Variants in DNAJB6 observed in about 807,000 individuals in gnomAD.
DNAJB6 encodes DnaJ heat shock protein family (Hsp40) member B6.
Under a neutral mutation model 42.7 loss-of-function variants are expected in DNAJB6, and 16 were observed. That is an observed-to-expected ratio of 0.37 (90% CI 0.25 to 0.57). The LOEUF (loss-of-function observed/expected upper bound fraction) is 0.57, where lower values mean the gene tolerates loss of function less well. Ranked by LOEUF, DNAJB6 falls within the 20% of genes least tolerant of loss-of-function variation. The probability of loss-of-function intolerance (pLI) is 0.74; values close to 1 mark genes in which losing one functional copy is unlikely to be tolerated. For missense variants in DNAJB6, 347 were observed against 416.8 expected, an observed-to-expected ratio of 0.83 and a Z score of 1.46; for synonymous variants, 170 against 163.5, an observed-to-expected ratio of 1.04 and a Z score of -0.30.
chr7:157,413,445 C>T (rs1796029625), intron 9 of DNAJB6: 1 of 152,156 alleles, frequency 6.6e-6, no homozygotes, highest in Non-Finnish European at 1.5e-5. Context: ...TTCAACAGCT[C>T]GAAGTTTGTC....
At chr7:157,414,614 G>T (rs900597167) in intron 9 of DNAJB6, 1 of 152,210 alleles carries the variant, frequency 6.6e-6, no homozygotes, top group Non-Finnish European at 1.5e-5. Context: ...CGCGCATCTC[G>T]TGCTGCTCCT....
chr7:157,392,870 C>T (rs555641499), intron 8 of DNAJB6, among the ~76,000 whole-genome samples: 1 of 152,116 alleles, frequency 6.6e-6, no homozygotes, highest in Non-Finnish European at 1.5e-5. Flanking sequence ...CTGGGAATGC[C>T]GTCTGTGTGT....
intron 5 of DNAJB6, chr7:157,372,239 G>A (rs1800246567): frequency 6.5e-6 from 1 of 152,974 alleles, no homozygotes; most frequent in Non-Finnish European, 1.5e-5. Flanking sequence ...CAGCCCTGGT[G>A]AAGAGAACAG....
rs924784724 is a variant in DNAJB6, at chr7:157,382,528, T to A, written c.478+151T>A. On this transcript the variant is annotated intron_variant, in intron 6 of 9. Transcript: ENST00000262177. ...TTGCCAGCTTTTTTTGGTATACAGGTCTGCGCTTAACCTACATTTTCTCCT... is the reference window on the plus strand; with the variant it reads ...TTGCCAGCTTTTTTTGGTATACAGGACTGCGCTTAACCTACATTTTCTCCT... 2.9e-5 allele frequency: 19 copies of A among 657,346 alleles called. No homozygotes were observed. In the Admixed American group the frequency reaches 6.8e-4, roughly 24 times the overall value. The allele number at this position is 657,346 out of a possible 1,614,324, so 40.7% of individuals were successfully genotyped here. A position where few individuals can be genotyped will look rare whatever the true frequency, so the allele number is the denominator to read the frequency against.
At chr7:157,377,248 G>A (rs62494679) in intron 5 of DNAJB6, among the ~76,000 whole-genome samples, 20,693 of 152,122 alleles carry the variant, frequency 0.14, 2,756 homozygotes, top group African/African-American at 0.35. Flanking sequence ...CCCCCACAAA[G>A]GATGGCTTTG....
intron 1 of DNAJB6, among the ~76,000 whole-genome samples, chr7:157,357,212 G>C: frequency 1.6e-5 from 1 of 61,850 alleles, no homozygotes; most frequent in Non-Finnish European, 3.6e-5. Context: ...TGATACTGTT[G>C]TCCTTCCTTC....
chr7:157,387,643 G>A (rs1403651083), intron 8 of DNAJB6, among the ~76,000 whole-genome samples: 1 of 152,130 alleles, frequency 6.6e-6, no homozygotes, highest in African/African-American at 2.4e-5. Context: ...TATAGCGTTG[G>A]TACTACACAA....
At chr7:157,399,959 G>A (rs996411811) in intron 8 of DNAJB6, among the ~76,000 whole-genome samples, 7 of 152,132 alleles carry the variant, frequency 4.6e-5, no homozygotes, top group African/African-American at 1.7e-4. Context: ...GTGAGCCGCC[G>A]CACCCGGCCT....
At chr7:157,338,519 A>G (rs896439917) in intron 1 of DNAJB6, among the ~76,000 whole-genome samples, 1 of 152,106 alleles carries the variant, frequency 6.6e-6, no homozygotes, top group African/African-American at 2.4e-5. Context: ...TTTTTAGTAG[A>G]GACGGGGGTT....
intron 1 of DNAJB6, among the ~76,000 whole-genome samples, chr7:157,338,283 C>T (rs191747088): frequency 6.6e-6 from 1 of 152,152 alleles, no homozygotes; most frequent in Non-Finnish European, 1.5e-5. Flanking sequence ...AGCCGCCTTA[C>T]TCCTCCGCCA....
chr7:157,344,950 CTTTTA>C (rs1242095518), intron 1 of DNAJB6, among the ~76,000 whole-genome samples: 5 of 152,046 alleles, frequency 3.3e-5, no homozygotes, highest in South Asian at 2.1e-4. Context: ...AGCACTGTCA[CTTTTA>C]TTTTATCATT....
intron 8 of DNAJB6, among the ~76,000 whole-genome samples, chr7:157,407,036 C>T (rs1206091146): frequency 3.9e-5 from 6 of 152,250 alleles, no homozygotes; most frequent in African/African-American, 9.6e-5. Context: ...GACAGGTCCT[C>T]GGACACCCGC....
chr7:157,360,100 C>T, intron 2 of DNAJB6, among the ~76,000 whole-genome samples: 1 of 152,222 alleles, frequency 6.6e-6, no homozygotes, highest in Non-Finnish European at 1.5e-5. Context: ...ATGTATTAGT[C>T]TGTTTTTACG....
chr7:157,414,550 T>C (rs535464639), intron 9 of DNAJB6: 3 of 152,396 alleles, frequency 2.0e-5, no homozygotes, highest in African/African-American at 7.2e-5. Context: ...TCCGTAACCG[T>C]AGCTTGAGGC....
At chr7:157,354,427 G>A (rs1467746304) in intron 1 of DNAJB6, among the ~76,000 whole-genome samples, 1 of 152,160 alleles carries the variant, frequency 6.6e-6, no homozygotes, top group Non-Finnish European at 1.5e-5. Context: ...GATTACAGGT[G>A]TGAGCCGCTG....
At chr7:157,379,345 A>G (rs1002777126) in intron 5 of DNAJB6, 1 of 152,268 alleles carries the variant, frequency 6.6e-6, no homozygotes, top group African/African-American at 2.4e-5. Context: ...GACTAAACCA[A>G]TGTTTTAGCA....
intron 5 of DNAJB6, among the ~76,000 whole-genome samples, chr7:157,368,052 C>T (rs1412292899): frequency 1.3e-5 from 2 of 152,030 alleles, no homozygotes; most frequent in Admixed American, 6.6e-5. Context: ...TTTCCTTGAG[C>T]CTGGGAGGTT....
chr7:157,385,394 T>G lies in DNAJB6; in HGVS notation c.621-147T>G, dbSNP rs1801002059. The G allele has an allele frequency of 1.7e-5, 14 of 806,002 alleles. No individual in the cohort carries two copies. The East Asian group carries it at 3.2e-4, about 19-fold the overall frequency. 49.9% of individuals were successfully genotyped at this position (806,002 alleles called of 1,614,324 possible). A position where few individuals can be genotyped will look rare whatever the true frequency, so the allele number is the denominator to read the frequency against. On this transcript the variant is annotated intron_variant, in intron 7 of 9. Transcript: ENST00000262177. ...ATTTTAGGAAAGGAAGATGTGTTGTTGACAGGTTGGCTTCAGCCATGTTTT... is the reference window on the plus strand; with the variant it reads ...ATTTTAGGAAAGGAAGATGTGTTGTGGACAGGTTGGCTTCAGCCATGTTTT...
intron 1 of DNAJB6, chr7:157,337,960 G>GT (rs1256284382): frequency 6.6e-6 from 1 of 152,308 alleles, no homozygotes; most frequent in East Asian, 1.9e-4. Context: ...AACAGCGCAA[G>GT]TAGAACGATC....
Sources: gnomAD v4.1 joint callset for allele counts (sites outside exome capture counted in the v4.1 genomes callset) on GRCh38, gnomAD v4.1.1 for gene constraint, MANE v1.5 for transcripts, NCBI Gene and HGNC (gene_info 2026-07-23, HGNC 2026-07-21) for gene names.